The following CRYL1 variants were observed in gnomAD, a reference collection of about 807,000 sequenced individuals.
CRYL1 encodes the protein crystallin lambda 1.
A neutral mutation model predicts 36.6 loss-of-function variants in CRYL1; 29 were observed. That is an observed-to-expected ratio of 0.79 (90% CI 0.59 to 1.08). The LOEUF (loss-of-function observed/expected upper bound fraction) is 1.08. CRYL1 is among the 50% of genes least tolerant of loss of function. The probability of loss-of-function intolerance (pLI) is 0.00; values close to 1 mark genes in which losing one functional copy is unlikely to be tolerated. For synonymous variants in CRYL1, 152 were observed against 151.5 expected (o/e 1.00, Z -0.02); for missense variants, 411 against 407.9 (o/e 1.01, Z -0.06).
At chr13:20,479,109 G>C (rs185194282) in intron 3 of CRYL1, among the ~76,000 whole-genome samples, 67 of 152,222 alleles carry the variant, frequency 4.4e-4, no homozygotes, top group Admixed American at 2.7e-3. Context: ...ATAGGGATTT[G>C]AGATTCCGTT....
chr13:20,409,380 G>A (rs1019895699), intron 6 of CRYL1, among the ~76,000 whole-genome samples: 2 of 152,036 alleles, frequency 1.3e-5, no homozygotes, highest in African/African-American at 4.8e-5. Flanking sequence ...AACCATAAAA[G>A]ACTTTAACAT....
At chr13:20,439,129 T>C (rs1445352037) in intron 4 of CRYL1, among the ~76,000 whole-genome samples, 1 of 152,170 alleles carries the variant, frequency 6.6e-6, no homozygotes, top group Non-Finnish European at 1.5e-5. Context: ...AAACCAACCC[T>C]ACTCTGAATT....
chr13:20,454,910 G>A (rs369443350), intron 3 of CRYL1, among the ~76,000 whole-genome samples: 8 of 152,176 alleles, frequency 5.3e-5, no homozygotes, highest in African/African-American at 9.6e-5. Flanking sequence ...ATTCTATTCC[G>A]GAATAGAATT....
chr13:20,522,840 G>A lies in CRYL1; in HGVS notation c.41+2914C>T, dbSNP rs202195184. Among the ~76,000 whole-genome samples, 860 of 151,316 alleles carry A rather than the reference G, an allele frequency of 5.7e-3. 29 individuals carry two copies. In the South Asian group the frequency reaches 0.1, roughly 18 times the overall value. On this transcript the variant is annotated intron_variant, in intron 1 of 7. Coordinates refer to ENST00000298248, the MANE Select transcript of CRYL1 (RefSeq NM_015974.3). ...TTTAGAAACACAGTGTTTTATAAAG[G>A]TAAGGCTAACAAAATGAAAGCCTTA...
At chr13:20,447,526 C>T (rs68147249) in intron 3 of CRYL1, among the ~76,000 whole-genome samples, 6,968 of 152,052 alleles carry the variant, frequency 0.046, 330 homozygotes, top group Admixed American at 0.16. Context: ...CACCCCCCCT[C>T]CCTAGGCTGA....
intron 3 of CRYL1, among the ~76,000 whole-genome samples, chr13:20,483,186 A>G (rs567576414): frequency 6.6e-6 from 1 of 152,352 alleles, no homozygotes; most frequent in Admixed American, 6.5e-5. Context: ...GAAGATTTAT[A>G]GTGTTCCCAA....
intron 2 of CRYL1, among the ~76,000 whole-genome samples, chr13:20,505,362 A>AAAAAAAAAAAAAAAAAG (rs1213308245): frequency 3.6e-5 from 2 of 56,222 alleles, no homozygotes; most frequent in Non-Finnish European, 7.2e-5. Context: ...ATCCCACCAA[A>AAAAAAAAAAAAAAAAAG]AAAAAAAAAA....
At chr13:20,436,446 C>T (rs1405990316) in intron 4 of CRYL1, among the ~76,000 whole-genome samples, 1 of 152,228 alleles carries the variant, frequency 6.6e-6, no homozygotes, top group African/African-American at 2.4e-5. Context: ...AGGCCCCAGC[C>T]GTCACATTCT....
At chr13:20,409,479 C>T (rs866761434) in intron 6 of CRYL1, among the ~76,000 whole-genome samples, 1,853 of 151,396 alleles carry the variant, frequency 0.012, 28 homozygotes, top group African/African-American at 0.042. Context: ...TGGGCAAGGA[C>T]TTCATGTCTA....
rs1397060356 is a variant in CRYL1, at chr13:20,497,352, A to G, written c.150-7856T>C. Among the ~76,000 whole-genome samples the G allele has an allele frequency of 1.6e-4, 21 of 130,012 alleles. 3 individuals carry two copies. Among genetic ancestry groups the G allele is most frequent in the African/African-American group, 5.5e-4 (18 of 32,612 alleles). 85.3% of individuals were successfully genotyped at this position (130,012 alleles called of 152,430 possible). A position where few individuals can be genotyped will look rare whatever the true frequency, so the allele number is the denominator to read the frequency against. On this transcript the variant is annotated intron_variant, in intron 2 of 7. Transcript: ENST00000298248. ...ACACCACCACACACACTACACACAC[A>G]CCACCATACACACAACTACACACAC...
chr13:20,445,943 A>G lies in CRYL1; in HGVS notation c.277-6189T>C, dbSNP rs1453861601. Among the ~76,000 whole-genome samples the G allele has an allele frequency of 2.0e-5, 3 of 152,190 alleles. No individual in the cohort carries two copies. The East Asian group carries it at 5.8e-4, about 29-fold the overall frequency. ...CTGTCTTCAAGCTGGCTTCCTACAG[A>G]TCTTTACCTAGCCAAGAATACCGCT... On this transcript the variant is annotated intron_variant, in intron 3 of 7. Transcript: ENST00000298248.
intron 5 of CRYL1, chr13:20,418,749 C>T (rs1217261762): frequency 6.6e-6 from 1 of 152,198 alleles, no homozygotes; most frequent in Non-Finnish European, 1.5e-5. Context: ...CTTGTGCAAA[C>T]ACTACAATAA....
At chr13:20,521,735 T>G (rs552376219) in intron 1 of CRYL1, among the ~76,000 whole-genome samples, 5 of 152,340 alleles carry the variant, frequency 3.3e-5, no homozygotes, top group Admixed American at 6.5e-5. Flanking sequence ...ATATAATTGC[T>G]TCAATTCTAT....
At chr13:20,443,437 A>G (rs1477521295) in intron 3 of CRYL1, among the ~76,000 whole-genome samples, 1 of 152,106 alleles carries the variant, frequency 6.6e-6, no homozygotes, top group Non-Finnish European at 1.5e-5. Flanking sequence ...TCTGTTGCCC[A>G]GGCTGGAGTA....
intron 3 of CRYL1, among the ~76,000 whole-genome samples, chr13:20,472,698 G>A (rs2033085558): frequency 6.6e-6 from 1 of 152,222 alleles, no homozygotes. Flanking sequence ...TGAGGCCTGG[G>A]ACTGGCTCAC....
chr13:20,419,271 C>T (rs1284476657), intron 5 of CRYL1, among the ~76,000 whole-genome samples: 2 of 152,036 alleles, frequency 1.3e-5, no homozygotes, highest in African/African-American at 4.8e-5. Flanking sequence ...CAGGGAGTAA[C>T]AGAGTTAGAG....
intron 2 of CRYL1, among the ~76,000 whole-genome samples, chr13:20,495,319 G>C (rs2033586589): frequency 6.6e-6 from 1 of 152,268 alleles, no homozygotes; most frequent in African/African-American, 2.4e-5. Context: ...ACCTCTAGAG[G>C]TCAGCCTAAC....
At chr13:20,428,536 A>G (rs2031983427) in intron 5 of CRYL1, among the ~76,000 whole-genome samples, 1 of 152,216 alleles carries the variant, frequency 6.6e-6, no homozygotes, top group Non-Finnish European at 1.5e-5. Context: ...CCCAAGTAGG[A>G]TTATTCCGAG....
intron 6 of CRYL1, among the ~76,000 whole-genome samples, chr13:20,407,988 T>C (rs185986667): frequency 2.0e-5 from 3 of 152,304 alleles, no homozygotes; most frequent in South Asian, 2.1e-4. Flanking sequence ...AGAGCCTTAA[T>C]TGCCACCCAT....
Sources: allele counts gnomAD v4.1 joint callset (sites outside exome capture counted in the v4.1 genomes callset), GRCh38; gene constraint gnomAD v4.1.1; transcripts MANE v1.5; gene names NCBI Gene and HGNC (gene_info 2026-07-23, HGNC 2026-07-21).